The following PDE7B variants were observed in gnomAD, a reference collection of about 807,000 sequenced individuals.
PDE7B encodes the protein 3',5'-cyclic-AMP phosphodiesterase 7B.
PDE7B carries 29 observed loss-of-function variants against 56.2 expected under a neutral mutation model. The observed-to-expected ratio is 0.52, with a 90% confidence interval of 0.38 to 0.70. The LOEUF (loss-of-function observed/expected upper bound fraction) is 0.70, where lower values mean the gene tolerates loss of function less well. Among genes scored for constraint, PDE7B ranks in the 30% least tolerant of loss-of-function variants. PDE7B has a pLI of 0.00. For missense variants in PDE7B, 490 were observed against 565.0 expected, an observed-to-expected ratio of 0.87 and a Z score of 1.35; for synonymous variants, 197 against 196.9, an observed-to-expected ratio of 1.00 and a Z score of 0.00.
chr6:136,133,565 C>G (rs1301901700), intron 3 of PDE7B, among the ~76,000 whole-genome samples: 1 of 152,148 alleles, frequency 6.6e-6, no homozygotes, highest in Non-Finnish European at 1.5e-5. Context: ...AGATAATGTA[C>G]TACAATAGAC....
chr6:136,011,364 G>A (rs1479168249), intron 2 of PDE7B, among the ~76,000 whole-genome samples: 1 of 152,122 alleles, frequency 6.6e-6, no homozygotes, highest in Non-Finnish European at 1.5e-5. Context: ...TCTTTGCAGA[G>A]TAAGACTGAC....
At chr6:136,060,014 T>G (rs973035065) in intron 2 of PDE7B, among the ~76,000 whole-genome samples, 2 of 152,168 alleles carry the variant, frequency 1.3e-5, no homozygotes, top group Non-Finnish European at 2.9e-5. Flanking sequence ...GAACCAGGCA[T>G]GAAGAACTAA....
intron 9 of PDE7B, among the ~76,000 whole-genome samples, chr6:136,175,791 T>C (rs892222375): frequency 6.6e-6 from 1 of 152,140 alleles, no homozygotes. Flanking sequence ...GAAGTATTTG[T>C]AGATAAAAAT....
chr6:136,084,297 C>G (rs771421874), intron 2 of PDE7B, among the ~76,000 whole-genome samples: 1 of 152,166 alleles, frequency 6.6e-6, no homozygotes, highest in Non-Finnish European at 1.5e-5. Context: ...TATGCCATCT[C>G]TAATCAATTG....
At chr6:135,904,346 G>T (rs1776059289) in intron 1 of PDE7B, among the ~76,000 whole-genome samples, 1 of 152,130 alleles carries the variant, frequency 6.6e-6, no homozygotes, top group Non-Finnish European at 1.5e-5. Flanking sequence ...GGCTGAGCCT[G>T]ATTATACATA....
chr6:136,015,773 A>G (rs1248867673), intron 2 of PDE7B, among the ~76,000 whole-genome samples: 1 of 152,118 alleles, frequency 6.6e-6, no homozygotes, highest in Non-Finnish European at 1.5e-5. Context: ...TGGCATTTTC[A>G]TCTTTTCTGG....
At chr6:136,055,896 C>CTT (rs1354173479) in intron 2 of PDE7B, among the ~76,000 whole-genome samples, 1 of 152,144 alleles carries the variant, frequency 6.6e-6, no homozygotes, top group Non-Finnish European at 1.5e-5. Context: ...AAGCTTCTTT[C>CTT]TTTGTATTAG....
At chr6:136,152,687 C>T (rs546007514) in intron 6 of PDE7B, among the ~76,000 whole-genome samples, 3 of 152,330 alleles carry the variant, frequency 2.0e-5, no homozygotes, top group Admixed American at 2.0e-4. Flanking sequence ...CACCAAATGA[C>T]TTTCCTCTGC....
chr6:136,003,153 C>T (rs892241384), intron 2 of PDE7B, among the ~76,000 whole-genome samples: 19 of 152,068 alleles, frequency 1.2e-4, no homozygotes, highest in African/African-American at 2.2e-4. Flanking sequence ...TTGAAACCAA[C>T]GAGAACAAAG....
chr6:135,923,287 G>A (rs1774123928), intron 1 of PDE7B, among the ~76,000 whole-genome samples: 1 of 152,200 alleles, frequency 6.6e-6, no homozygotes, highest in Admixed American at 6.5e-5. Flanking sequence ...GAGACACCAA[G>A]AAGATGCATG....
At chr6:135,959,649 G>C (rs1257041253) in intron 2 of PDE7B, among the ~76,000 whole-genome samples, 1 of 152,022 alleles carries the variant, frequency 6.6e-6, no homozygotes, top group Non-Finnish European at 1.5e-5. Flanking sequence ...CATGAATCAT[G>C]TTTACAAGAT....
chr6:136,061,743 C>T (rs1196304230), intron 2 of PDE7B, among the ~76,000 whole-genome samples: 1 of 152,152 alleles, frequency 6.6e-6, no homozygotes, highest in African/African-American at 2.4e-5. Context: ...AGGGCAGTGA[C>T]AGTTCGAAGT....
At chr6:136,140,444 G>T (rs1292644117) in intron 3 of PDE7B, among the ~76,000 whole-genome samples, 1 of 152,152 alleles carries the variant, frequency 6.6e-6, no homozygotes, top group Non-Finnish European at 1.5e-5. Flanking sequence ...GGATTGACTT[G>T]GTAATGCAGG....
At chr6:136,021,278 A>G (rs779685718) in intron 2 of PDE7B, among the ~76,000 whole-genome samples, 22 of 152,248 alleles carry the variant, frequency 1.4e-4, no homozygotes, top group Non-Finnish European at 3.1e-4. Context: ...CTATCCCAGC[A>G]AATAACACAA....
chr6:136,096,820 C>A (rs907682390), intron 2 of PDE7B, among the ~76,000 whole-genome samples: 1 of 152,110 alleles, frequency 6.6e-6, no homozygotes, highest in Non-Finnish European at 1.5e-5. Flanking sequence ...TAAAACCTTC[C>A]TTGTTCCCCA....
chr6:136,153,129 A>G (rs1264814925), intron 6 of PDE7B, among the ~76,000 whole-genome samples: 2 of 152,256 alleles, frequency 1.3e-5, no homozygotes, highest in Admixed American at 1.3e-4. Flanking sequence ...TTGTATTTCA[A>G]TTGATTGAGC....
In PDE7B at chr6:136,137,313, T is replaced by C. The variant is rs148342249; in HGVS notation, c.167-10038T>C. Among the ~76,000 whole-genome samples, 351 of 152,086 alleles carry C rather than the reference T, an allele frequency of 2.3e-3. 1 individual carries two copies. Among genetic ancestry groups the C allele is most frequent in the Middle Eastern group, 0.017 (5 of 294 alleles). On this transcript the variant is annotated intron_variant, in intron 3 of 12. Coordinates refer to ENST00000308191, the MANE Select transcript of PDE7B (RefSeq NM_018945.4). ...AAGGAAGATAAACAAAGCCTATGAA[T>C]AGCCACTAACCAAGCAAGAAATTTT... is the stretch of plus-strand genomic sequence containing the variant.
At chr6:136,129,879 A>C (rs13191631) in intron 3 of PDE7B, among the ~76,000 whole-genome samples, 1 of 152,208 alleles carries the variant, frequency 6.6e-6, no homozygotes. Context: ...AGAGAAGGCA[A>C]GAGAAACCTC....
chr6:135,853,071 A>T (rs892669593), intron 1 of PDE7B, among the ~76,000 whole-genome samples: 1 of 152,238 alleles, frequency 6.6e-6, no homozygotes, highest in Non-Finnish European at 1.5e-5. Context: ...CAATTTAAGT[A>T]ATATATGGTT....
Sources: gnomAD v4.1 joint callset for allele counts (sites outside exome capture counted in the v4.1 genomes callset) on GRCh38, gnomAD v4.1.1 for gene constraint, MANE v1.5 for transcripts, NCBI Gene and HGNC (gene_info 2026-07-23, HGNC 2026-07-21) for gene names.